Variants in YIPF1 observed in about 807,000 individuals in gnomAD.
The protein encoded by YIPF1 is Yip1 domain family member 1.
YIPF1 carries 22 observed loss-of-function variants against 37.0 expected under a neutral mutation model. The ratio of observed to expected loss-of-function variants is 0.59; its 90% confidence interval spans 0.42 to 0.85. YIPF1 has a LOEUF of 0.85. YIPF1 is among the 40% of genes least tolerant of loss of function. The pLI, the probability that YIPF1 is intolerant of heterozygous loss-of-function variation, is 0.00. For missense variants in YIPF1, 355 were observed against 373.1 expected (o/e 0.95, Z 0.40); for synonymous variants, 128 against 131.9 (o/e 0.97, Z 0.21).
intron 4 of YIPF1, 125 bp downstream of exon 4, chr1:53,882,988 C>A: frequency 9.1e-7 from 1 of 1,100,360 alleles, no homozygotes; most frequent in South Asian, 1.9e-5. Context: ...AAGGAAGAGG[C>A]CATGTGTCAT....
intron 9 of YIPF1, among the ~76,000 whole-genome samples, chr1:53,865,431 A>G (rs1649993137): frequency 6.6e-6 from 1 of 152,246 alleles, no homozygotes; most frequent in African/African-American, 2.4e-5. Flanking sequence ...ATTTTAAAAT[A>G]CAGTATAATA....
At chr1:53,878,754 CAT>C in intron 4 of YIPF1, 32 bp from the exon 5 acceptor site, 1 of 1,574,588 alleles carries the variant, frequency 6.4e-7, no homozygotes, top group Non-Finnish European at 8.6e-7. Context: ...ATAATGAACA[CAT>C]AAGCAATTTC....
intron 9 of YIPF1, 79 bp downstream of exon 9, chr1:53,866,121 A>G: frequency 6.6e-7 from 1 of 1,525,782 alleles, no homozygotes; most frequent in Non-Finnish European, 8.9e-7. Flanking sequence ...TTTTAAAAGA[A>G]CTGTTGTGTC....
chr1:53,866,664 G>T (rs59740572), intron 8 of YIPF1, 94 bp downstream of exon 8: 7 of 1,419,970 alleles, frequency 4.9e-6, no homozygotes, highest in Admixed American at 2.2e-5. Flanking sequence ...TGAGTATTGC[G>T]CTGGAAATAA....
intron 6 of YIPF1, among the ~76,000 whole-genome samples, chr1:53,876,586 T>A (rs981888361): frequency 1.3e-5 from 2 of 152,212 alleles, no homozygotes; most frequent in Admixed American, 1.3e-4. Flanking sequence ...GGCTTTGTCA[T>A]GAGAGGCAGT....
rs867663882 is a variant in YIPF1, at chr1:53,876,108, G to A, written c.364+2207C>T. Among the ~76,000 whole-genome samples the A allele has an allele frequency of 7.9e-5, 12 of 152,150 alleles. 1 individual carries two copies. The highest frequency in any genetic ancestry group is 7.2e-4 in the Admixed American group (11 of 15,268). The stretch of plus-strand genomic sequence containing the variant: ...AACTGTGTATGTTTACTAAAATAAT[G>A]AGCATAAATAATCTTATTTTACTTT... On this transcript the variant is annotated intron_variant, in intron 6 of 10. Transcript: ENST00000072644.
At chr1:53,870,012 G>A (rs907224701) in intron 7 of YIPF1, among the ~76,000 whole-genome samples, 47 of 150,738 alleles carry the variant, frequency 3.1e-4, no homozygotes, top group African/African-American at 8.0e-4. Context: ...ACAGGCATGC[G>A]CCACCATGCC....
In YIPF1 at chr1:53,870,153, C is replaced by CG. The variant is rs529113121; in HGVS notation, c.481+1218dup. Among the ~76,000 whole-genome samples the CG allele has an allele frequency of 6.7e-3, 915 of 136,134 alleles. 19 individuals carry two copies. The highest frequency in any genetic ancestry group is 0.026 in the African/African-American group (865 of 33,786). 89.3% of individuals were successfully genotyped at this position (136,134 alleles called of 152,430 possible). A position where few individuals can be genotyped will look rare whatever the true frequency, so the allele number is the denominator to read the frequency against. On this transcript the variant is annotated intron_variant, in intron 7 of 10. Transcript: ENST00000072644. ...GGATTACAGGCTTGAGCCACCGCAC[C>CG]GGGTCTCTTTTTTTTTTTTTTTTTT...
chr1:53,862,953 G>A (rs1033314429), intron 9 of YIPF1, among the ~76,000 whole-genome samples: 20 of 152,110 alleles, frequency 1.3e-4, no homozygotes, highest in South Asian at 2.1e-4. Flanking sequence ...CTTCTGCAGC[G>A]CACAATGCCT....
intron 10 of YIPF1, chr1:53,854,861 TAGGGAGCTATATTGGTAAATAA>T (rs1437349201): frequency 7.9e-5 from 12 of 152,136 alleles, no homozygotes; most frequent in Non-Finnish European, 1.5e-5. Flanking sequence ...TGCTGGGTGC[TAGGGAGCTATATTGGTAAATAA>T]AGCTCTGCCC....
intron 6 of YIPF1, among the ~76,000 whole-genome samples, chr1:53,873,777 TG>T: frequency 6.6e-6 from 1 of 152,128 alleles, no homozygotes. Flanking sequence ...GCAGATCACT[TG>T]AGCTCAGGAG....
At chr1:53,885,201 A>G (rs1023192218) in intron 3 of YIPF1, among the ~76,000 whole-genome samples, 1 of 152,252 alleles carries the variant, frequency 6.6e-6, no homozygotes, top group African/African-American at 2.4e-5. Flanking sequence ...TGATGAAATA[A>G]TAACTATCAT....
intron 6 of YIPF1, 29 bp downstream of exon 6, chr1:53,878,286 T>C: frequency 6.2e-7 from 1 of 1,608,344 alleles, no homozygotes; most frequent in Non-Finnish European, 8.5e-7. Flanking sequence ...TCAACTGAAA[T>C]ACGGTAAACA....
intron 6 of YIPF1, 55 bp from the exon 7 acceptor site, chr1:53,871,543 A>T (rs1650193192): frequency 1.5e-6 from 2 of 1,353,894 alleles, no homozygotes; most frequent in Non-Finnish European, 2.1e-6. Flanking sequence ...AAGCCTTTAG[A>T]TTCTTACAGA....
chr1:53,881,534 C>T (rs558757203), intron 4 of YIPF1, among the ~76,000 whole-genome samples: 50 of 152,210 alleles, frequency 3.3e-4, no homozygotes, highest in African/African-American at 1.2e-3. Context: ...GAAAAAACAA[C>T]TCCATTAAAA....
At chr1:53,871,331 GA>G (rs1650185976) in intron 7 of YIPF1, 40 bp downstream of exon 7, 22 of 1,578,018 alleles carry the variant, frequency 1.4e-5, no homozygotes, top group Non-Finnish European at 1.9e-5. Flanking sequence ...CTCAAAGCTA[GA>G]AACTGACAGC....
intron 10 of YIPF1, among the ~76,000 whole-genome samples, chr1:53,853,311 G>C (rs1649641917): frequency 6.6e-6 from 1 of 152,198 alleles, no homozygotes; most frequent in South Asian, 2.1e-4. Flanking sequence ...AACCTACTCT[G>C]CAGTCAGGGA....
At chr1:53,882,444 A>T (rs1311416551) in intron 4 of YIPF1, among the ~76,000 whole-genome samples, 1 of 151,940 alleles carries the variant, frequency 6.6e-6, no homozygotes, top group African/African-American at 2.4e-5. Flanking sequence ...AAGTGTTTTC[A>T]ATCTTTCCTT....
At chr1:53,855,937 G>A (rs1269883597) in intron 10 of YIPF1, among the ~76,000 whole-genome samples, 2 of 152,130 alleles carry the variant, frequency 1.3e-5, no homozygotes, top group African/African-American at 4.8e-5. Flanking sequence ...TGCGCTCTAG[G>A]CTAAGTTTTC....
Sources: allele counts gnomAD v4.1 joint callset (sites outside exome capture counted in the v4.1 genomes callset), GRCh38; gene constraint gnomAD v4.1.1; transcripts MANE v1.5; gene names NCBI Gene and HGNC (gene_info 2026-07-23, HGNC 2026-07-21).